Variants in IPO11 observed in about 807,000 individuals in gnomAD.
IPO11 encodes the protein importin 11, also known as importin-11.
Under a neutral mutation model 143.2 loss-of-function variants are expected in IPO11, and 66 were observed. The observed-to-expected ratio is 0.46, with a 90% CI of 0.38 to 0.57. The LOEUF is 0.57. IPO11 is among the 20% of genes least tolerant of loss of function. The pLI, the probability that IPO11 is intolerant of heterozygous loss-of-function variation, is 0.00. For synonymous variants in IPO11, 385 were observed against 377.8 expected (o/e 1.02, Z -0.22); for missense variants, 1,026 against 1,141.0 (o/e 0.90, Z 1.45).
chr5:62,442,602 T>C (rs957318322), intron 2 of IPO11, among the ~76,000 whole-genome samples: 9 of 152,278 alleles, frequency 5.9e-5, no homozygotes, highest in Middle Eastern at 3.4e-3. Flanking sequence ...CTCATGCCTG[T>C]AATCCCAGCA....
intron 1 of IPO11, among the ~76,000 whole-genome samples, chr5:62,435,182 A>ATATATATG (rs1561309122): frequency 2.0e-5 from 2 of 101,046 alleles, no homozygotes; most frequent in Admixed American, 1.1e-4. Flanking sequence ...GTATATATGT[A>ATATATATG]TATATATGTA....
At chr5:62,481,752 T>C (rs1746221421) in intron 9 of IPO11, among the ~76,000 whole-genome samples, 1 of 152,188 alleles carries the variant, frequency 6.6e-6, no homozygotes, top group South Asian at 2.1e-4. Flanking sequence ...ATTGGTCTCT[T>C]TTTTTGTTGT....
At chr5:62,544,339 C>T (rs1045074492) in intron 24 of IPO11, among the ~76,000 whole-genome samples, 1 of 151,898 alleles carries the variant, frequency 6.6e-6, no homozygotes, top group Non-Finnish European at 1.5e-5. Flanking sequence ...ATAAACAGAA[C>T]CAAAGACAAA....
At chr5:62,574,730 T>C (rs1385063551) in intron 27 of IPO11, among the ~76,000 whole-genome samples, 2 of 152,166 alleles carry the variant, frequency 1.3e-5, no homozygotes, top group Non-Finnish European at 2.9e-5. Flanking sequence ...GTACCTAAAA[T>C]TGTCCATGGA....
intron 27 of IPO11, among the ~76,000 whole-genome samples, chr5:62,561,694 C>T (rs901304803): frequency 2.6e-5 from 4 of 152,154 alleles, no homozygotes; most frequent in Middle Eastern, 3.4e-3. Context: ...TTTCTAAGGA[C>T]GTTTGCAAGT....
chr5:62,614,828 G>T (rs902011058), intron 29 of IPO11, among the ~76,000 whole-genome samples: 1 of 152,130 alleles, frequency 6.6e-6, no homozygotes, highest in Non-Finnish European at 1.5e-5. Context: ...GGAAGAATCA[G>T]GTCACACACA....
At chr5:62,507,698 A>C (rs1741598912) in intron 19 of IPO11, among the ~76,000 whole-genome samples, 1 of 152,222 alleles carries the variant, frequency 6.6e-6, no homozygotes, top group Admixed American at 6.5e-5. Context: ...TATATGGCAG[A>C]TGGAAATTTC....
chr5:62,503,491 T>G (rs1053252818), intron 16 of IPO11, among the ~76,000 whole-genome samples: 1 of 151,686 alleles, frequency 6.6e-6, no homozygotes, highest in South Asian at 2.1e-4. Flanking sequence ...GATTGTAAGA[T>G]CTGTATGGGC....
At chr5:62,445,291 G>T (rs1304696033) in intron 3 of IPO11, among the ~76,000 whole-genome samples, 1 of 152,026 alleles carries the variant, frequency 6.6e-6, no homozygotes, top group African/African-American at 2.4e-5. Flanking sequence ...ACATTGCAGT[G>T]TATCTGGGTC....
intron 20 of IPO11, among the ~76,000 whole-genome samples, chr5:62,515,758 T>C (rs140263491): frequency 5.6e-4 from 85 of 152,364 alleles, no homozygotes; most frequent in African/African-American, 1.9e-3. Context: ...TCATGGTTCA[T>C]GCAGTCCATG....
At chr5:62,542,744 A>G (rs187313364) in intron 24 of IPO11, among the ~76,000 whole-genome samples, 94 of 152,292 alleles carry the variant, frequency 6.2e-4, no homozygotes, top group African/African-American at 2.2e-3. Flanking sequence ...GAGGAATGTA[A>G]TTATAAAATA....
At chr5:62,623,698 G>A (rs1001258515) in intron 29 of IPO11, among the ~76,000 whole-genome samples, 1 of 147,788 alleles carries the variant, frequency 6.8e-6, no homozygotes, top group African/African-American at 2.5e-5. Context: ...CCAGGCTAGA[G>A]TGCAGTGGCA....
At chr5:62,496,280 TG>T (rs1741150254) in intron 16 of IPO11, among the ~76,000 whole-genome samples, 1 of 148,776 alleles carries the variant, frequency 6.7e-6, no homozygotes, top group Admixed American at 6.7e-5. Flanking sequence ...AGAGAGACTG[TG>T]TCTCAAAAAA....
At position 62,506,247 on chromosome 5, in the gene IPO11, G is replaced by A. The variant is rs749082510; in HGVS notation, c.1672G>A (p.Glu558Lys). 103 of 1,589,448 alleles carry A rather than the reference G, an allele frequency of 6.5e-5. No individual in the cohort carries two copies. The South Asian group carries it at 8.6e-4, about 13-fold the overall frequency. ...FRTDQFLPYL[E>K]TMFTLLFQLL... ...TCTTTCTTTTTACCTGCAGTATTTG[G>A]AAACCATGTTCACACTACTTTTTCA... The change falls in exon 19 of 30, where the codon GAA (glutamate) becomes AAA (lysine). Residue 558 changes from glutamate (E) to lysine (K), a missense_variant. Transcript: ENST00000325324.
intron 1 of IPO11, among the ~76,000 whole-genome samples, chr5:62,432,811 C>T (rs779306823): frequency 1.3e-5 from 2 of 152,080 alleles, no homozygotes; most frequent in South Asian, 2.1e-4. Flanking sequence ...GTTTCAGAGG[C>T]GAGGCTGTGG....
At chr5:62,573,898 T>A (rs956583107) in intron 27 of IPO11, among the ~76,000 whole-genome samples, 5 of 152,192 alleles carry the variant, frequency 3.3e-5, no homozygotes, top group Non-Finnish European at 5.9e-5. Context: ...GAGAGTTCCC[T>A]TAGGGGTTAT....
At position 62,437,377 on chromosome 5, in the gene IPO11, A is replaced by G. The variant is rs1166821028; in HGVS notation, c.98A>G (p.Lys33Arg). The G allele has an allele frequency of 1.9e-6, 3 of 1,612,594 alleles. No individual in the cohort carries two copies. Among genetic ancestry groups the G allele is most frequent in the Non-Finnish European group, 2.5e-6 (3 of 1,179,168 alleles). ...TTAAAACCAGCTGAGGAGCAGTTGA[A>G]GCAGTGGGAGACACAGCCAGGTTTC... ...AVLKPAEEQL[K>R]QWETQPGFYS... The change falls in exon 2 of 30, where the codon AAG becomes AGG. Residue 33 changes from lysine (K) to arginine (R), a missense_variant. Transcript: ENST00000325324.
chr5:62,440,192 G>A (rs999275969), intron 2 of IPO11, among the ~76,000 whole-genome samples: 5 of 152,148 alleles, frequency 3.3e-5, no homozygotes, highest in African/African-American at 9.7e-5. Flanking sequence ...TAAAAGAAGT[G>A]CATGTTTTGT....
intron 3 of IPO11, among the ~76,000 whole-genome samples, chr5:62,449,300 C>A (rs1013413054): frequency 1.3e-5 from 2 of 152,178 alleles, no homozygotes; most frequent in Non-Finnish European, 1.5e-5. Context: ...TTTCTATTTT[C>A]CTTTCTCATA....
Sources: gnomAD v4.1 joint callset for allele counts (sites outside exome capture counted in the v4.1 genomes callset) on GRCh38, gnomAD v4.1.1 for gene constraint, MANE v1.5 for transcripts, NCBI Gene and HGNC (gene_info 2026-07-23, HGNC 2026-07-21) for gene names.